Variants in KCNQ5 observed in about 807,000 individuals in gnomAD.
The protein encoded by KCNQ5 is potassium voltage-gated channel subfamily Q member 5, also known as potassium voltage-gated channel subfamily KQT member 5.
KCNQ5 carries 30 observed loss-of-function variants against 98.2 expected under a neutral mutation model. The ratio of observed to expected loss-of-function variants is 0.31; its 90% confidence interval spans 0.23 to 0.41. The LOEUF (loss-of-function observed/expected upper bound fraction) is 0.41, where lower values mean the gene tolerates loss of function less well. Among genes scored for constraint, KCNQ5 ranks in the 10% least tolerant of loss-of-function variants. KCNQ5 has a pLI of 1.00. For missense variants in KCNQ5, 835 were observed against 1,182.5 expected (o/e 0.71, Z 4.31); for synonymous variants, 458 against 449.4 (o/e 1.02, Z -0.24).
At chr6:72,721,865 G>A (rs981349188) in intron 1 of KCNQ5, among the ~76,000 whole-genome samples, 5 of 152,102 alleles carry the variant, frequency 3.3e-5, no homozygotes, top group Admixed American at 2.6e-4. Context: ...CTGAAAATAT[G>A]CCCCCAAAGA....
intron 5 of KCNQ5, among the ~76,000 whole-genome samples, chr6:73,092,673 T>G (rs1774303443): frequency 1.3e-5 from 2 of 152,196 alleles, no homozygotes; most frequent in Non-Finnish European, 1.5e-5. Context: ...GATGATCATG[T>G]GATTTTGGTT....
chr6:72,943,245 A>C (rs1766389380), intron 1 of KCNQ5, among the ~76,000 whole-genome samples: 1 of 152,202 alleles, frequency 6.6e-6, no homozygotes, highest in Non-Finnish European at 1.5e-5. Context: ...ATCTGCATAA[A>C]TATATCCTAA....
At chr6:72,697,566 A>C (rs1768562188) in intron 1 of KCNQ5, among the ~76,000 whole-genome samples, 1 of 152,234 alleles carries the variant, frequency 6.6e-6, no homozygotes, top group Non-Finnish European at 1.5e-5. Flanking sequence ...ATTTAGAAGA[A>C]ATTAGGATAT....
chr6:72,929,619 A>G (rs1321341595), intron 1 of KCNQ5, among the ~76,000 whole-genome samples: 3 of 152,170 alleles, frequency 2.0e-5, no homozygotes, highest in South Asian at 2.1e-4. Flanking sequence ...ATAAAGTACA[A>G]TGTACATAAA....
intron 1 of KCNQ5, among the ~76,000 whole-genome samples, chr6:72,751,634 G>T (rs183207534): frequency 1.3e-5 from 2 of 152,088 alleles, no homozygotes; most frequent in Admixed American, 1.3e-4. Context: ...AATCAGAAAT[G>T]TGCATTTTAC....
At chr6:72,883,869 G>A (rs1778750773) in intron 1 of KCNQ5, among the ~76,000 whole-genome samples, 1 of 152,130 alleles carries the variant, frequency 6.6e-6, no homozygotes. Flanking sequence ...GAGTGAGGTG[G>A]TACTTCAAAT....
chr6:72,688,867 T>A (rs2154474145), intron 1 of KCNQ5, among the ~76,000 whole-genome samples: 1 of 152,330 alleles, frequency 6.6e-6, no homozygotes, highest in East Asian at 1.9e-4. Context: ...TTTTTCTCAT[T>A]GTAACTGAAT....
chr6:73,039,288 T>G (rs1771582643), intron 2 of KCNQ5, among the ~76,000 whole-genome samples: 1 of 152,148 alleles, frequency 6.6e-6, no homozygotes, highest in African/African-American at 2.4e-5. Context: ...TTCATGGATT[T>G]TCCATATTGT....
At chr6:72,962,258 T>C (rs1395680207) in intron 1 of KCNQ5, among the ~76,000 whole-genome samples, 5 of 144,698 alleles carry the variant, frequency 3.5e-5, no homozygotes, top group East Asian at 3.9e-4. Context: ...TATACACACA[T>C]ATATATATAC....
intron 1 of KCNQ5, among the ~76,000 whole-genome samples, chr6:72,837,015 T>G (rs1279449362): frequency 6.6e-6 from 1 of 152,214 alleles, no homozygotes; most frequent in African/African-American, 2.4e-5. Flanking sequence ...TGGAACTGGG[T>G]GGAAAATTTG....
chr6:72,791,087 G>T (rs1297946110), intron 1 of KCNQ5, among the ~76,000 whole-genome samples: 1 of 152,204 alleles, frequency 6.6e-6, no homozygotes, highest in African/African-American at 2.4e-5. Context: ...TTGGAAAGTG[G>T]ATGAGAATGG....
At chr6:73,169,617 G>A in intron 10 of KCNQ5, 129 bp from the exon 11 acceptor site, 1 of 654,830 alleles carries the variant, frequency 1.5e-6, no homozygotes. Context: ...ACAATTGGCT[G>A]ACCTTATACA....
At chr6:72,675,598 G>A (rs1767368555) in intron 1 of KCNQ5, among the ~76,000 whole-genome samples, 1 of 152,106 alleles carries the variant, frequency 6.6e-6, no homozygotes, top group Admixed American at 6.5e-5. Flanking sequence ...TGAGTGACTG[G>A]ACAATAGCGA....
At chr6:72,638,228 C>T (rs1200627379) in intron 1 of KCNQ5, among the ~76,000 whole-genome samples, 1 of 152,152 alleles carries the variant, frequency 6.6e-6, no homozygotes, top group Admixed American at 6.5e-5. Flanking sequence ...AGTAGAATGG[C>T]TCCAGTTATT....
intron 2 of KCNQ5, among the ~76,000 whole-genome samples, chr6:73,017,743 C>G (rs1369228159): frequency 6.6e-6 from 1 of 152,154 alleles, no homozygotes; most frequent in Admixed American, 6.5e-5. Context: ...TACAGGCCCT[C>G]CAGCCTTGGC....
chr6:72,948,194 G>A (rs981682438), intron 1 of KCNQ5, among the ~76,000 whole-genome samples: 3 of 152,058 alleles, frequency 2.0e-5, no homozygotes, highest in African/African-American at 7.2e-5. Context: ...CAAATTTGAA[G>A]GAGATGTGTT....
At chr6:73,095,151 C>T (rs1935531) in intron 5 of KCNQ5, among the ~76,000 whole-genome samples, 2 of 152,108 alleles carry the variant, frequency 1.3e-5, no homozygotes, top group African/African-American at 4.8e-5. Context: ...TTATGGAGTG[C>T]GTTAACTGAA....
At position 72,996,144 on chromosome 6, in the gene KCNQ5, A is replaced by G. The variant is rs144748818; in HGVS notation, c.399-7764A>G. On this transcript the variant is annotated intron_variant, in intron 1 of 13. Coordinates refer to ENST00000370398, the MANE Select transcript of KCNQ5 (RefSeq NM_019842.4). ...TGTAAATATTTGTGATTGATATAAT[A>G]CAGTGAAAGTAAGATAATGATAGAA... Among the ~76,000 whole-genome samples the G allele has an allele frequency of 4.1e-3, 628 of 152,368 alleles. 2 individuals carry two copies. The highest frequency in any genetic ancestry group is 0.014 in the African/African-American group (595 of 41,588).
At position 73,170,420 on chromosome 6, in the gene KCNQ5, CCACACACACACACACACACACACA is replaced by C. The variant is rs57867720; in HGVS notation, c.1577+584_1577+607del. ...TTTACCTTTTCCATGACCTTTCCCA[CCACACACACACACACACACACACA>C]CACACACACACACACACGCAATCAA... On this transcript the variant is annotated intron_variant, in intron 11 of 13. Coordinates refer to ENST00000370398, the MANE Select transcript of KCNQ5 (RefSeq NM_019842.4). 2.3e-3 allele frequency among the ~76,000 whole-genome samples: 328 copies of C among 140,930 alleles called. 2 individuals carry two copies. The highest frequency in any genetic ancestry group is 8.4e-3 in the African/African-American group (316 of 37,528). 92.5% of individuals were successfully genotyped at this position (140,930 alleles called of 152,430 possible). A position where few individuals can be genotyped will look rare whatever the true frequency, so the allele number is the denominator to read the frequency against.
Sources: gnomAD v4.1 joint callset for allele counts (sites outside exome capture counted in the v4.1 genomes callset) on GRCh38, gnomAD v4.1.1 for gene constraint, MANE v1.5 for transcripts, NCBI Gene and HGNC (gene_info 2026-07-23, HGNC 2026-07-21) for gene names.